The following CASK variants were observed in gnomAD, a reference collection of about 807,000 sequenced individuals.
CASK encodes the protein peripheral plasma membrane protein CASK.
CASK carries 4 observed loss-of-function variants against 82.9 expected under a neutral mutation model. The observed-to-expected ratio is 0.05, with a 90% confidence interval of 0.02 to 0.11. CASK has a LOEUF of 0.11. CASK is among the 10% of genes least tolerant of loss of function. The pLI is 1.00. For missense variants in CASK, 358 were observed against 720.9 expected (o/e 0.50, Z 5.76); for synonymous variants, 259 against 253.5 (o/e 1.02, Z -0.20).
chrX:41,645,079 C>T (rs1450707702), intron 8 of CASK, among the ~76,000 whole-genome samples: 2 of 111,071 alleles, frequency 1.8e-5, no homozygotes, highest in Admixed American at 1.9e-4. Context: ...CCTATTCGCA[C>T]ACTCCTTCCT....
chrX:41,547,527 T>A (rs2065039858), intron 21 of CASK, among the ~76,000 whole-genome samples: 1 of 111,831 alleles, frequency 8.9e-6, no homozygotes, highest in Non-Finnish European at 1.9e-5. Context: ...AAGAACACTT[T>A]ATAATATTAT....
chrX:41,519,706 A>G lies in CASK; in HGVS notation c.*714T>C, dbSNP rs2147057410. 9.0e-6 allele frequency: 1 copy of G among 110,976 alleles called. No homozygotes were observed. The highest frequency in any genetic ancestry group is 1.9e-5 in the Non-Finnish European group (1 of 52,999). The allele number at this position is 110,976 out of a possible 1,213,427, so 9.1% of individuals were successfully genotyped here. On this transcript the variant is annotated 3_prime_UTR_variant, in exon 27 of 27. Transcript: ENST00000378163. ...TAGAATGTACTTTGCTGTAGATTAC[A>G]GATTGTTTTGTCCAACACAGACACA...
At chrX:41,690,698 A>G (rs1432855429) in intron 5 of CASK, among the ~76,000 whole-genome samples, 1 of 102,541 alleles carries the variant, frequency 9.8e-6, no homozygotes, top group East Asian at 3.0e-4. Flanking sequence ...TTTTGAGACA[A>G]GGTCTTACTC....
chrX:41,873,330 T>C (rs1302008441), intron 1 of CASK, among the ~76,000 whole-genome samples: 2 of 101,341 alleles, frequency 2.0e-5, no homozygotes, highest in Non-Finnish European at 4.0e-5. Flanking sequence ...GAGAATCCAA[T>C]TATGTCACCT....
In CASK at chrX:41,547,686, G is replaced by A. The variant is rs372439148; in HGVS notation, c.2040-4880C>T. 3.9e-3 allele frequency among the ~76,000 whole-genome samples: 422 copies of A among 107,869 alleles called. 1 individual carries two copies. Among genetic ancestry groups the A allele is most frequent in the African/African-American group, 0.013 (393 of 29,568 alleles). 93.7% of individuals were successfully genotyped at this position (107,869 alleles called of 115,157 possible). Reference sequence around the variant, plus strand: ...CGCCCAGGCTGGAGGGCAGTGGCGCGATCTTGGCTCACTGCAAGCTCCACC... The same window carrying A: ...CGCCCAGGCTGGAGGGCAGTGGCGCAATCTTGGCTCACTGCAAGCTCCACC... On this transcript the variant is annotated intron_variant, in intron 21 of 26. Transcript: ENST00000378163.
At chrX:41,809,690 CT>C in intron 2 of CASK, among the ~76,000 whole-genome samples, 1 of 112,196 alleles carries the variant, frequency 8.9e-6, no homozygotes, top group African/African-American at 3.2e-5. Context: ...GCCTCTCCCC[CT>C]CCAAAGGAAC....
chrX:41,695,510 G>A lies in CASK; in HGVS notation c.430-23980C>T, dbSNP rs776099373. ...ATTTACACTTTTAGTTAAAGTAACT[G>A]TTATTAAAATAGCAAATGACTCAAT... is the stretch of plus-strand genomic sequence containing the variant. On this transcript the variant is annotated intron_variant, in intron 5 of 26. Transcript: ENST00000378163. The A allele has an allele frequency of 4.5e-5, 22 of 489,505 alleles. No homozygotes were observed. In the South Asian group the frequency reaches 6.2e-4, roughly 14 times the overall value. 40.3% of individuals were successfully genotyped at this position (489,505 alleles called of 1,213,427 possible).
At chrX:41,808,748 G>A (rs899004753) in intron 2 of CASK, among the ~76,000 whole-genome samples, 12 of 112,257 alleles carry the variant, frequency 1.1e-4, no homozygotes, top group Admixed American at 6.5e-4. Flanking sequence ...GCAGCCCACC[G>A]AGTGTGAGCC....
intron 3 of CASK, among the ~76,000 whole-genome samples, chrX:41,779,728 T>C (rs779696785): frequency 9.0e-6 from 1 of 111,572 alleles, no homozygotes; most frequent in African/African-American, 3.2e-5. Context: ...TTGCTTGGTA[T>C]GAGACAAACA....
At chrX:41,636,395 A>T (rs1602386484) in intron 9 of CASK, among the ~76,000 whole-genome samples, 183 bp downstream of exon 9, 1 of 112,228 alleles carries the variant, frequency 8.9e-6, no homozygotes, top group African/African-American at 3.2e-5. Flanking sequence ...ATACTGATAT[A>T]CTACCTTAAA....
At chrX:41,875,112 G>C (rs2071787422) in intron 1 of CASK, among the ~76,000 whole-genome samples, 1 of 112,230 alleles carries the variant, frequency 8.9e-6, no homozygotes, top group Non-Finnish European at 1.9e-5. Context: ...ATCTTGGTGA[G>C]TCCTACCGTA....
At chrX:41,695,088 C>T (rs1301468129) in intron 5 of CASK, among the ~76,000 whole-genome samples, 3 of 111,026 alleles carry the variant, frequency 2.7e-5, no homozygotes, top group Non-Finnish European at 5.7e-5. Flanking sequence ...TAAGAACTTC[C>T]CTAAGAGAAG....
At chrX:41,727,548 C>T (rs2068284566) in intron 5 of CASK, 2 of 1,206,494 alleles carry the variant, frequency 1.7e-6, no homozygotes, top group East Asian at 5.9e-5. Flanking sequence ...CCGTATACTA[C>T]TCAGTCATAG....
At chrX:41,594,882 G>C (rs1405129401) in intron 12 of CASK, among the ~76,000 whole-genome samples, 2 of 111,915 alleles carry the variant, frequency 1.8e-5, no homozygotes, top group Non-Finnish European at 3.8e-5. Context: ...GCCACACCAA[G>C]GGCATCAACA....
At chrX:41,782,100 C>T (rs986772275) in intron 3 of CASK, among the ~76,000 whole-genome samples, 4 of 110,949 alleles carry the variant, frequency 3.6e-5, no homozygotes, top group African/African-American at 1.3e-4. Context: ...TTAAAAAATC[C>T]TTATCTGTTA....
intron 1 of CASK, among the ~76,000 whole-genome samples, chrX:41,877,264 T>C (rs369335759): frequency 1.8e-5 from 2 of 111,787 alleles, no homozygotes; most frequent in South Asian, 3.7e-4. Flanking sequence ...ATCACTTAAC[T>C]ATTAGTTCCA....
intron 5 of CASK, among the ~76,000 whole-genome samples, chrX:41,708,492 C>T (rs1281659459): frequency 2.7e-5 from 3 of 112,034 alleles, no homozygotes; most frequent in Non-Finnish European, 5.6e-5. Flanking sequence ...TAGTACAAAA[C>T]AAAACAAAAA....
intron 5 of CASK, among the ~76,000 whole-genome samples, chrX:41,734,728 G>A (rs1175251896): frequency 3.6e-5 from 4 of 111,137 alleles, no homozygotes; most frequent in Non-Finnish European, 7.5e-5. Flanking sequence ...AGGGGGAGAT[G>A]CTACTGGCAT....
chrX:41,672,342 A>G (rs2067207929), intron 5 of CASK, among the ~76,000 whole-genome samples: 1 of 110,020 alleles, frequency 9.1e-6, no homozygotes, highest in African/African-American at 3.3e-5. Context: ...TCTTACTGGG[A>G]CCTAGTTGGG....
Sources: gnomAD v4.1 joint callset for allele counts (sites outside exome capture counted in the v4.1 genomes callset) on GRCh38, gnomAD v4.1.1 for gene constraint, MANE v1.5 for transcripts, NCBI Gene and HGNC (gene_info 2026-07-23, HGNC 2026-07-21) for gene names.